Variants in CNTNAP5 observed in about 807,000 individuals in gnomAD.
CNTNAP5 encodes contactin-associated protein-like 5.
A neutral mutation model predicts 150.2 loss-of-function variants in CNTNAP5; 72 were observed. The ratio of observed to expected loss-of-function variants is 0.48; its 90% CI spans 0.40 to 0.58. The LOEUF is 0.58. Ranked by LOEUF, CNTNAP5 falls within the 20% of genes least tolerant of loss-of-function variation. The pLI, the probability that CNTNAP5 is intolerant of heterozygous loss-of-function variation, is 0.00. For synonymous variants in CNTNAP5, 672 were observed against 619.8 expected (o/e 1.08, Z -1.25); for missense variants, 1,636 against 1,626.2 (o/e 1.01, Z -0.10).
intron 3 of CNTNAP5, among the ~76,000 whole-genome samples, chr2:124,335,853 C>T (rs552284651): frequency 1.3e-5 from 2 of 151,970 alleles, no homozygotes; most frequent in South Asian, 4.1e-4. Context: ...GGGTGAAAAA[C>T]AAAACAAAAC....
At position 124,588,129 on chromosome 2, in the gene CNTNAP5, CTT is replaced by C. The variant is rs1327102456; in HGVS notation, c.1757-21669_1757-21668del. ...TTCCTTCCCTCCTTTTCCTTCCTTC[CTT>C]TTCCTTCCTTCCTTCCTTCCTTCCT... On this transcript the variant is annotated intron_variant, in intron 11 of 23. Transcript: ENST00000682447. Among the ~76,000 whole-genome samples, 116 of 99,596 alleles carry C rather than the reference CTT, an allele frequency of 1.2e-3. 1 individual carries two copies. The highest frequency in any genetic ancestry group is 4.4e-3 in the African/African-American group (113 of 25,850). The allele number at this position is 99,596 out of a possible 152,430, so 65.3% of individuals were successfully genotyped here.
chr2:124,238,240 G>A (rs1408119915), intron 2 of CNTNAP5, among the ~76,000 whole-genome samples: 4 of 152,070 alleles, frequency 2.6e-5, no homozygotes, highest in Admixed American at 6.6e-5. Flanking sequence ...TGGGTCTGGA[G>A]CTCCTGCATT....
rs570392930 is a variant in CNTNAP5 at position 124,497,984 on chromosome 2, A to G, written c.1063-6308A>G. Among the ~76,000 whole-genome samples the G allele has an allele frequency of 2.2e-4, 34 of 152,342 alleles. No individual in the cohort carries two copies. The East Asian group carries it at 4.4e-3, about 20-fold the overall frequency. ...TCTGTGTCAAAAGTCTTGAGGAAGT[A>G]AACCTTCTGCCATGACACTCCTGTC... is the stretch of plus-strand genomic sequence containing the variant. On this transcript the variant is annotated intron_variant, in intron 7 of 23. Transcript: ENST00000682447.
chr2:124,054,664 C>T (rs145029374), intron 1 of CNTNAP5, among the ~76,000 whole-genome samples: 14 of 152,216 alleles, frequency 9.2e-5, no homozygotes, highest in Non-Finnish European at 2.1e-4. Flanking sequence ...AGATCTCAGC[C>T]CCGTGGATCT....
intron 12 of CNTNAP5, among the ~76,000 whole-genome samples, chr2:124,635,629 G>T (rs1677955696): frequency 6.6e-6 from 1 of 152,150 alleles, no homozygotes; most frequent in Non-Finnish European, 1.5e-5. Context: ...TAACAAATGG[G>T]TGTCAAAGGT....
intron 6 of CNTNAP5, among the ~76,000 whole-genome samples, chr2:124,459,612 C>T (rs371292112): frequency 3.3e-5 from 5 of 151,910 alleles, no homozygotes; most frequent in African/African-American, 1.2e-4. Flanking sequence ...ATTAACTGGG[C>T]ATGGTGCACA....
chr2:124,647,679 G>C, intron 12 of CNTNAP5, 79 bp from the exon 13 acceptor site: 1 of 1,288,934 alleles, frequency 7.8e-7, no homozygotes, highest in Admixed American at 2.5e-5. Context: ...CACGCTGAGT[G>C]GCCCATCACA....
chr2:124,364,408 T>C (rs1349536492), intron 3 of CNTNAP5, among the ~76,000 whole-genome samples: 1 of 152,184 alleles, frequency 6.6e-6, no homozygotes, highest in Non-Finnish European at 1.5e-5. Context: ...AATTGAGCTT[T>C]CCTAACCCTG....
intron 1 of CNTNAP5, among the ~76,000 whole-genome samples, chr2:124,220,962 G>A (rs150591345): frequency 3.5e-4 from 53 of 152,204 alleles, no homozygotes; most frequent in African/African-American, 1.0e-3. Context: ...GTGTCAACCC[G>A]GAGGGGTATA....
intron 19 of CNTNAP5, among the ~76,000 whole-genome samples, chr2:124,857,393 A>T (rs1317669504): frequency 6.6e-6 from 1 of 152,066 alleles, no homozygotes; most frequent in Non-Finnish European, 1.5e-5. Context: ...AACCTGAGTA[A>T]ATTTTCTGAG....
chr2:124,858,107 G>C lies in CNTNAP5; in HGVS notation c.3218-7199G>C, dbSNP rs565057503. ...ACCCACAGCCAATATCATACTGAAT[G>C]GGCAAAAACTGGAAGGATTCCCTTT... is the stretch of plus-strand genomic sequence containing the variant. On this transcript the variant is annotated intron_variant, in intron 19 of 23. Coordinates refer to ENST00000682447, the MANE Select transcript of CNTNAP5 (RefSeq NM_001367498.1). Among the ~76,000 whole-genome samples the C allele has an allele frequency of 5.5e-4, 84 of 152,172 alleles. 2 individuals carry two copies. The South Asian group carries it at 9.6e-3, about 17-fold the overall frequency.
intron 1 of CNTNAP5, among the ~76,000 whole-genome samples, chr2:124,146,002 T>C (rs1684243766): frequency 6.6e-6 from 1 of 152,118 alleles, no homozygotes; most frequent in African/African-American, 2.4e-5. Flanking sequence ...CAGCAATTTT[T>C]ATTTTAAAAA....
At chr2:124,542,000 A>G (rs368739194) in intron 10 of CNTNAP5, among the ~76,000 whole-genome samples, 2 of 152,202 alleles carry the variant, frequency 1.3e-5, no homozygotes, top group East Asian at 3.9e-4. Flanking sequence ...AAATAGGAAA[A>G]CAAAATAGCC....
At chr2:124,851,159 G>A (rs550327627) in intron 19 of CNTNAP5, among the ~76,000 whole-genome samples, 91 of 152,242 alleles carry the variant, frequency 6.0e-4, no homozygotes, top group Middle Eastern at 3.4e-3. Context: ...GAGGTCAGGA[G>A]TTCAAGACCA....
chr2:124,776,245 ACT>A (rs1249987609), intron 17 of CNTNAP5, among the ~76,000 whole-genome samples: 1 of 151,034 alleles, frequency 6.6e-6, no homozygotes, highest in Non-Finnish European at 1.5e-5. Flanking sequence ...TCATTTTATG[ACT>A]CTATTTCCTT....
chr2:124,306,993 G>T (rs916283680), intron 3 of CNTNAP5, among the ~76,000 whole-genome samples: 14 of 152,018 alleles, frequency 9.2e-5, no homozygotes. Context: ...CTTCCAAAGT[G>T]CTGGGATTAT....
At chr2:124,040,583 CTGTGTGCCTG>C (rs1283614787) in intron 1 of CNTNAP5, among the ~76,000 whole-genome samples, 1 of 129,156 alleles carries the variant, frequency 7.7e-6, no homozygotes, top group Non-Finnish European at 1.7e-5. Flanking sequence ...ATGTTCAATT[CTGTGTGCCTG>C]TGTGTGCCTG....
At chr2:124,125,164 AC>A (rs1323643163) in intron 1 of CNTNAP5, among the ~76,000 whole-genome samples, 5 of 152,120 alleles carry the variant, frequency 3.3e-5, no homozygotes. Context: ...TATTCAGGAG[AC>A]CCCTCTCACA....
intron 19 of CNTNAP5, among the ~76,000 whole-genome samples, chr2:124,860,206 C>T (rs1677483639): frequency 6.6e-6 from 1 of 151,948 alleles, no homozygotes; most frequent in South Asian, 2.1e-4. Context: ...AAAAAATAGC[C>T]GTGCATGGTG....
Sources: allele counts gnomAD v4.1 joint callset (sites outside exome capture counted in the v4.1 genomes callset), GRCh38; gene constraint gnomAD v4.1.1; transcripts MANE v1.5; gene names NCBI Gene and HGNC (gene_info 2026-07-23, HGNC 2026-07-21).